Variants in SV2B observed in about 807,000 individuals in gnomAD.
SV2B encodes the protein solute carrier family 22 member B2.
In SV2B, 41 loss-of-function variants were observed where a neutral mutation model predicts 73.9. That is an observed-to-expected ratio of 0.56 (90% CI 0.43 to 0.72). The LOEUF is 0.72. SV2B is among the 30% of genes least tolerant of loss of function. The pLI, the probability that SV2B is intolerant of heterozygous loss-of-function variation, is 0.00. For missense variants in SV2B, 764 were observed against 857.8 expected, an observed-to-expected ratio of 0.89 and a Z score of 1.37; for synonymous variants, 314 against 314.2, an observed-to-expected ratio of 1.00 and a Z score of 0.01.
At chr15:91,171,386 A>C (rs11634757) in intron 1 of SV2B, among the ~76,000 whole-genome samples, 9,799 of 152,268 alleles carry the variant, frequency 0.064, 428 homozygotes, top group Non-Finnish European at 0.09. Flanking sequence ...TCTGAGCACA[A>C]AGCATTTGGC....
chr15:91,171,322 C>T (rs771147830), intron 1 of SV2B, among the ~76,000 whole-genome samples: 11 of 152,162 alleles, frequency 7.2e-5, no homozygotes, highest in Non-Finnish European at 1.5e-4. Flanking sequence ...ATTATTAAAT[C>T]AGTTAATTTG....
chr15:91,202,044 A>G (rs939454162), intron 1 of SV2B, among the ~76,000 whole-genome samples: 1 of 152,072 alleles, frequency 6.6e-6, no homozygotes, highest in Non-Finnish European at 1.5e-5. Flanking sequence ...TCTTTCTTCA[A>G]ATATCTGCAT....
intron 2 of SV2B, among the ~76,000 whole-genome samples, chr15:91,235,340 G>T (rs1266259170): frequency 1.3e-5 from 2 of 152,148 alleles, no homozygotes; most frequent in Non-Finnish European, 2.9e-5. Context: ...TACACAGTGG[G>T]CTGCGTTTAT....
rs545963353 is a variant in SV2B, at chr15:91,190,273, A to G, written c.-391-35600A>G. 2.7e-4 allele frequency among the ~76,000 whole-genome samples: 41 copies of G among 152,110 alleles called. No individual in the cohort carries two copies. In the South Asian group the frequency reaches 3.1e-3, roughly 12 times the overall value. On this transcript the variant is annotated intron_variant, in intron 1 of 12. Coordinates refer to ENST00000394232, the MANE Select transcript of SV2B (RefSeq NM_001323032.3). ...ATTATTACATCTATATGAATGATCT[A>G]TGTAAGTGGTCATATCATTCATCAA...
chr15:91,259,817 C>A (rs578155229), intron 5 of SV2B, among the ~76,000 whole-genome samples: 1 of 152,104 alleles, frequency 6.6e-6, no homozygotes, highest in African/African-American at 2.4e-5. Flanking sequence ...GCAGTTATAT[C>A]GAAACAAGGC....
intron 1 of SV2B, among the ~76,000 whole-genome samples, chr15:91,192,565 A>G (rs1378834451): frequency 1.3e-5 from 2 of 152,238 alleles, no homozygotes; most frequent in East Asian, 1.9e-4. Context: ...GTGTGAAACA[A>G]TGTGACATTC....
intron 9 of SV2B, among the ~76,000 whole-genome samples, chr15:91,273,709 G>A (rs2141717817): frequency 6.6e-6 from 1 of 152,210 alleles, no homozygotes; most frequent in Non-Finnish European, 1.5e-5. Context: ...AATATAAGCA[G>A]CCCTATTCAG....
At chr15:91,186,091 G>T (rs1045491012) in intron 1 of SV2B, among the ~76,000 whole-genome samples, 14 of 152,012 alleles carry the variant, frequency 9.2e-5, no homozygotes, top group South Asian at 2.1e-4. Flanking sequence ...TCTGAATAGG[G>T]GTGTGAATTT....
At chr15:91,217,686 G>T (rs2046081045) in intron 1 of SV2B, among the ~76,000 whole-genome samples, 1 of 152,208 alleles carries the variant, frequency 6.6e-6, no homozygotes, top group Non-Finnish European at 1.5e-5. Context: ...TAATAATTCT[G>T]TTATTATATA....
intron 1 of SV2B, among the ~76,000 whole-genome samples, chr15:91,169,602 A>T (rs886880814): frequency 1.3e-5 from 2 of 152,134 alleles, no homozygotes; most frequent in African/African-American, 4.8e-5. Context: ...GCTGCTAGGG[A>T]TGCTGTGGGG....
At chr15:91,120,983 G>C (rs1399805688) in intron 1 of SV2B, among the ~76,000 whole-genome samples, 2 of 152,126 alleles carry the variant, frequency 1.3e-5, no homozygotes, top group Non-Finnish European at 2.9e-5. Flanking sequence ...AAGACTTTCT[G>C]ATTCTGAAGC....
intron 1 of SV2B, among the ~76,000 whole-genome samples, chr15:91,131,163 T>TG (rs2042634744): frequency 6.7e-6 from 1 of 149,084 alleles, no homozygotes; most frequent in African/African-American, 2.5e-5. Context: ...TTTTTTTTTT[T>TG]TTTTTAAATA....
Position 91,214,893 on chromosome 15 carries a change from C to T in SV2B, c.-391-10980C>T, listed in dbSNP as rs2045972915. Among the ~76,000 whole-genome samples the T allele has an allele frequency of 6.6e-6, 1 of 152,236 alleles. No homozygotes were observed. The highest frequency in any genetic ancestry group is 1.5e-5 in the Non-Finnish European group (1 of 68,044). On this transcript the variant is annotated intron_variant, in intron 1 of 12. Coordinates refer to ENST00000394232, the MANE Select transcript of SV2B (RefSeq NM_001323032.3). The surrounding 1 kb of genome is among the most constrained non-coding windows in gnomAD (Gnocchi z 4.7). ...AGCAAGCCTTCTGCCATCTGCCAGG[C>T]AGTTCTGTTTTGGATAAACTACAAG...
chr15:91,104,873 C>T lies in SV2B; in HGVS notation c.-392+4510C>T, dbSNP rs558335482. On this transcript the variant is annotated intron_variant, in intron 1 of 12. Transcript: ENST00000394232. ...TCTCAAACTCCTGACCTCAGATGAT[C>T]TGCCCGCCTCGGCCTCCCAAAGTGC... 3.5e-3 allele frequency among the ~76,000 whole-genome samples: 530 copies of T among 152,326 alleles called. 3 individuals are homozygous for T. Among genetic ancestry groups the T allele is most frequent in the Middle Eastern group, 0.014 (4 of 294 alleles).
At chr15:91,262,086 C>T (rs1018862092) in intron 6 of SV2B, among the ~76,000 whole-genome samples, 1 of 152,200 alleles carries the variant, frequency 6.6e-6, no homozygotes, top group African/African-American at 2.4e-5. Context: ...CAGGCAGGAT[C>T]ACACGGTGGC....
intron 1 of SV2B, among the ~76,000 whole-genome samples, chr15:91,149,538 G>A (rs939080206): frequency 1.3e-5 from 2 of 152,184 alleles, no homozygotes; most frequent in African/African-American, 4.8e-5. Context: ...GATCTTGTGA[G>A]GAGAATCTGA....
intron 2 of SV2B, among the ~76,000 whole-genome samples, chr15:91,238,865 C>G (rs62026592): frequency 0.1 from 15,346 of 152,138 alleles, 1,082 homozygotes; most frequent in Non-Finnish European, 0.15. Context: ...TCCCGCATCC[C>G]TTCCGCCAGC....
rs1407403284 is a variant in SV2B at position 91,223,685 on chromosome 15, C to T, written c.-391-2188C>T. Among the ~76,000 whole-genome samples, 3 of 152,114 alleles carry T rather than the reference C, an allele frequency of 2.0e-5. No individual in the cohort carries two copies. The highest frequency in any genetic ancestry group is 4.4e-5 in the Non-Finnish European group (3 of 68,016). On this transcript the variant is annotated intron_variant, in intron 1 of 12. Coordinates refer to ENST00000394232, the MANE Select transcript of SV2B (RefSeq NM_001323032.3). This position sits in a 1 kb window ranked among gnomAD's most constrained non-coding sequence, Gnocchi z 4.6. ...ATGTGACTTATATTCCGCCGGTGGT[C>T]CCTAAATAGATGTAATAAAAACAGA...
chr15:91,226,131 A>C lies in SV2B; in HGVS notation c.-133A>C, dbSNP rs909998092. 1 of 850,314 alleles carries C rather than the reference A, an allele frequency of 1.2e-6. No individual in the cohort carries two copies. The highest frequency in any genetic ancestry group is 1.8e-6 in the Non-Finnish European group (1 of 555,372). The allele number at this position is 850,314 out of a possible 1,614,324, so 52.7% of individuals were successfully genotyped here. A position where few individuals can be genotyped will look rare whatever the true frequency, so the allele number is the denominator to read the frequency against. On this transcript the variant is annotated 5_prime_UTR_variant, in exon 2 of 13. Coordinates refer to ENST00000394232, the MANE Select transcript of SV2B (RefSeq NM_001323032.3). ...GGGGGGGGGAACCAGTGTGACTTTC[A>C]CCTAAGAAGTCACATGAACATATTT...
Sources: allele counts gnomAD v4.1 joint callset (sites outside exome capture counted in the v4.1 genomes callset), GRCh38; gene constraint gnomAD v4.1.1; non-coding constraint Gnocchi (gnomAD v3.1); transcripts MANE v1.5; gene names NCBI Gene and HGNC (gene_info 2026-07-23, HGNC 2026-07-21).